Variants in POGZ observed in about 807,000 individuals in gnomAD.
POGZ encodes pogo transposable element derived with ZNF domain.
POGZ carries 17 observed loss-of-function variants against 134.6 expected under a neutral mutation model. The ratio of observed to expected loss-of-function variants is 0.13; its 90% CI spans 0.09 to 0.19. POGZ has a LOEUF of 0.19. Ranked by LOEUF, POGZ falls within the 10% of genes least tolerant of loss-of-function variation. The pLI is 1.00. For synonymous variants in POGZ, 693 were observed against 657.1 expected, an observed-to-expected ratio of 1.05 and a Z score of -0.84; for missense variants, 1,306 against 1,769.7, an observed-to-expected ratio of 0.74 and a Z score of 4.70.
intron 1 of POGZ, among the ~76,000 whole-genome samples, chr1:151,449,487 G>A (rs1252448133): frequency 3.3e-5 from 5 of 152,114 alleles, no homozygotes; most frequent in African/African-American, 1.2e-4. Context: ...AATGTCAATA[G>A]TGCCAAGACT....
chr1:151,430,598 G>T, intron 4 of POGZ, 68 bp downstream of exon 4: 2 of 1,256,776 alleles, frequency 1.6e-6, no homozygotes, highest in Non-Finnish European at 2.3e-6. Context: ...AAGACCCTAA[G>T]TCAGAGTTTT....
intron 3 of POGZ, among the ~76,000 whole-genome samples, chr1:151,431,269 G>T (rs1444935854): frequency 6.6e-6 from 1 of 152,154 alleles, no homozygotes; most frequent in Non-Finnish European, 1.5e-5. Flanking sequence ...AGACACATTA[G>T]AATTCTATGT....
At chr1:151,435,958 C>CAT (rs1659502519) in intron 3 of POGZ, among the ~76,000 whole-genome samples, 1 of 134,820 alleles carries the variant, frequency 7.4e-6, no homozygotes. Context: ...ATTTTCTTTT[C>CAT]TTTTTTTTTT....
At chr1:151,440,671 T>G (rs937181089) in intron 3 of POGZ, among the ~76,000 whole-genome samples, 4 of 152,186 alleles carry the variant, frequency 2.6e-5, no homozygotes, top group Non-Finnish European at 5.9e-5. Context: ...GGTTGACATT[T>G]TCTCTCCAAG....
intron 1 of POGZ, among the ~76,000 whole-genome samples, chr1:151,458,838 G>A (rs1310082080): frequency 2.1e-5 from 3 of 145,416 alleles, no homozygotes; most frequent in African/African-American, 4.9e-5. Flanking sequence ...GGCGGGCGCC[G>A]GGGGGCGGGG....
chr1:151,429,673 T>C lies in POGZ; in HGVS notation c.498A>G (p.Ala166=), dbSNP rs1338860285. 6.2e-7 allele frequency: 1 copy of C among 1,613,480 alleles called. No individual in the cohort carries two copies. The highest frequency in any genetic ancestry group is 1.1e-5 in the South Asian group (1 of 91,056). Residue 166 remains alanine (A), a synonymous_variant, in exon 5 of 19, where the codon GCA becomes GCG. Transcript: ENST00000271715. The stretch of plus-strand genomic sequence containing the variant: ...TCAGCACAATCCCAACCTGATTCAT[T>C]GCATTTTGTACAGGCCGGACATTCC... ...PVRNVRPVQN[A]MNQVGIVLNV... is the part of the protein sequence containing the mutation.
intron 1 of POGZ, among the ~76,000 whole-genome samples, chr1:151,456,477 G>A (rs1662787204): frequency 6.6e-6 from 1 of 152,172 alleles, no homozygotes; most frequent in African/African-American, 2.4e-5. Flanking sequence ...TAGTCTGCTA[G>A]TCGTTCTTTC....
chr1:151,438,272 AT>A (rs1379071979), intron 3 of POGZ, among the ~76,000 whole-genome samples: 1 of 152,078 alleles, frequency 6.6e-6, no homozygotes, highest in Non-Finnish European at 1.5e-5. Flanking sequence ...AACTGTATGT[AT>A]TTTTTATATA....
Position 151,405,135 on chromosome 1 carries a change from C to T in POGZ, c.3900G>A (p.Leu1300=). The T allele has an allele frequency of 1.2e-6, 2 of 1,614,244 alleles. No individual in the cohort carries two copies. Among genetic ancestry groups the T allele is most frequent in the South Asian group, 1.1e-5 (1 of 91,084 alleles). ...GCACTTCACCCAGCCAGACAAGCAC[C>T]AGCTGAAGCAGGACATCAGAATCAC... ...TACDSDVLLQ[L]VLVWLGEVLG... The change falls in exon 19 of 19, where the codon CTG becomes CTA. Residue 1300 remains leucine (L), a synonymous_variant. Coordinates refer to ENST00000271715, the MANE Select transcript of POGZ (RefSeq NM_015100.4). This position sits in a 1 kb window ranked among gnomAD's most constrained non-coding sequence, Gnocchi z 4.9.
chr1:151,403,527 C>G lies in POGZ; in HGVS notation c.*1275G>C. ...CTCCTTTTCTCTGTACGGTACAGTACGTTTTGGTTTACAACCATGAGTACA... is the reference window on the plus strand; with the variant it reads ...CTCCTTTTCTCTGTACGGTACAGTAGGTTTTGGTTTACAACCATGAGTACA... On this transcript the variant is annotated 3_prime_UTR_variant, in exon 19 of 19. Coordinates refer to ENST00000271715, the MANE Select transcript of POGZ (RefSeq NM_015100.4). 1.0e-6 allele frequency: 1 copy of G among 985,278 alleles called. No homozygotes were observed. The highest frequency in any genetic ancestry group is 1.2e-6 in the Non-Finnish European group (1 of 829,482). The allele number at this position is 985,278 out of a possible 1,614,324, so 61.0% of individuals were successfully genotyped here. A position where few individuals can be genotyped will look rare whatever the true frequency, so the allele number is the denominator to read the frequency against.
In POGZ at chr1:151,408,244, T is replaced by TG. The variant is rs754157362; in HGVS notation, c.2235-5dup. ...TGTCTGCCGGCCCATGACACTCCTG[T>TG]GGGGGAAAAAAAAAAAGAATTCTCA... On this transcript the variant is annotated splice_region_variant and splice_polypyrimidine_tract_variant and intron_variant, in intron 14 of 18. Coordinates refer to ENST00000271715, the MANE Select transcript of POGZ (RefSeq NM_015100.4). The TG allele has an allele frequency of 1.3e-5, 21 of 1,601,606 alleles. No individual in the cohort carries two copies. Among genetic ancestry groups the TG allele is most frequent in the South Asian group, 5.6e-5 (5 of 89,864 alleles).
In POGZ at chr1:151,404,988, T is replaced by C. The variant is rs1480307945; in HGVS notation, c.4047A>G (p.Leu1349=). 6.2e-7 allele frequency: 1 copy of C among 1,614,138 alleles called. No individual in the cohort carries two copies. The highest frequency in any genetic ancestry group is 8.5e-7 in the Non-Finnish European group (1 of 1,180,002). The change falls in exon 19 of 19, where the codon CTA becomes CTG. Residue 1349 remains leucine, a synonymous_variant. Coordinates refer to ENST00000271715, the MANE Select transcript of POGZ (RefSeq NM_015100.4). ...TCAGTTGCTCCTCTAGGGAGGCAAT[T>C]AGCTCCTCCTGCATGTCAGCATTTC... ...PTRNADMQEE[L]IASLEEQLKL... is the part of the protein sequence containing the mutation.
chr1:151,444,269 T>C (rs1419468419), intron 1 of POGZ, among the ~76,000 whole-genome samples: 1 of 152,186 alleles, frequency 6.6e-6, no homozygotes, highest in Non-Finnish European at 1.5e-5. Context: ...CAGGCTTAAT[T>C]ATATGAAGAC....
intron 1 of POGZ, among the ~76,000 whole-genome samples, chr1:151,451,710 T>G (rs541546440): frequency 6.6e-6 from 1 of 151,934 alleles, no homozygotes; most frequent in Admixed American, 6.6e-5. Flanking sequence ...AAAGAAATAA[T>G]GAGATAAATC....
At chr1:151,451,723 G>A (rs1230587243) in intron 1 of POGZ, among the ~76,000 whole-genome samples, 4 of 151,970 alleles carry the variant, frequency 2.6e-5, no homozygotes, top group African/African-American at 9.7e-5. Flanking sequence ...GATAAATCCA[G>A]AAGGTGGGAC....
chr1:151,425,784 C>T (rs971464532), intron 7 of POGZ, among the ~76,000 whole-genome samples: 1 of 152,168 alleles, frequency 6.6e-6, no homozygotes, highest in African/African-American at 2.4e-5. Context: ...TTGCTTTCAC[C>T]TTTCAGCTAT....
rs758519071 is a variant in POGZ at position 151,424,080 on chromosome 1, T to C, written c.1392A>G (p.Lys464=). The part of the protein sequence containing the change: ...NENVGDAVQT[K]LIMLVDDFYY... ...AGAAGTCATCTACAAGCATAATGAG[T>C]TTGGTCTGGACGGCATCGCCCACGT... Residue 464 remains lysine (K), a synonymous_variant, in exon 9 of 19, where the codon AAA becomes AAG. Transcript: ENST00000271715. The C allele has an allele frequency of 2.5e-6, 4 of 1,613,722 alleles. No individual in the cohort carries two copies. In the Admixed American group the frequency reaches 5.0e-5, roughly 20 times the overall value.
intron 10 of POGZ, among the ~76,000 whole-genome samples, chr1:151,415,607 C>T (rs915082672): frequency 1.4e-5 from 2 of 145,608 alleles, no homozygotes; most frequent in African/African-American, 2.6e-5. Context: ...GGAGACAGAG[C>T]TTGCAGTGAG....
At position 151,428,024 on chromosome 1, in the gene POGZ, G is replaced by C; in HGVS notation, c.877C>G (p.Pro293Ala). Residue 293 changes from proline to alanine, a missense_variant, in exon 7 of 19, where the codon CCA becomes GCA. Physicochemically the swap from Pro to Ala is conservative, Grantham distance 27. Transcript: ENST00000271715. ...AAGCTGGCAATGCTCACTGCAGGTG[G>C]AGAGGGGAAGGAGGGAGCTACGGTG... Reference protein sequence around the residue: ...NPKLAPSFPSPPAVSIASFVT... With the variant: ...NPKLAPSFPSAPAVSIASFVT... 7 of 1,614,218 alleles carry C rather than the reference G, an allele frequency of 4.3e-6. No individual in the cohort carries two copies. The highest frequency in any genetic ancestry group is 5.9e-6 in the Non-Finnish European group (7 of 1,180,034).
Sources: gnomAD v4.1 joint callset for allele counts (sites outside exome capture counted in the v4.1 genomes callset) on GRCh38, gnomAD v4.1.1 for gene constraint, Gnocchi (gnomAD v3.1) non-coding constraint, MANE v1.5 for transcripts, NCBI Gene and HGNC (gene_info 2026-07-23, HGNC 2026-07-21) for gene names.